EPCIP: variants seen among roughly 807,000 people sequenced by gnomAD.
EPCIP encodes the protein exosomal polycystin 1 interacting protein.
the EPCIP span, among the ~76,000 whole-genome samples, chr21:32,809,654 C>T: frequency 2.0e-5 from 3 of 152,092 alleles, no homozygotes; most frequent in South Asian, 2.1e-4. Flanking sequence ...TGAGCCACCG[C>T]GCCTGCCCCC....
chr21:32,809,303 T>C, the EPCIP span, among the ~76,000 whole-genome samples: 4 of 140,494 alleles, frequency 2.8e-5, no homozygotes, highest in African/African-American at 1.1e-4. Flanking sequence ...TTTCTTTCTT[T>C]CTTTCTTTCT....
At chr21:32,793,280 A>C in the EPCIP span, among the ~76,000 whole-genome samples, 3 of 152,162 alleles carry the variant, frequency 2.0e-5, 1 homozygote, top group South Asian at 6.2e-4. Flanking sequence ...CATAGTCCCC[A>C]AACCTCTGAA....
the EPCIP span, chr21:32,794,208 C>G: frequency 6.2e-7 from 1 of 1,614,252 alleles, no homozygotes; most frequent in East Asian, 2.2e-5. Flanking sequence ...CTGGTTCGCT[C>G]TACTGCAAGG....
the EPCIP span, chr21:32,793,768 A>G: frequency 7.4e-6 from 12 of 1,614,030 alleles, no homozygotes; most frequent in Non-Finnish European, 9.3e-6. Context: ...TATGCTAGTA[A>G]ATAAATGTGA....
At chr21:32,794,236 G>A in the EPCIP span, 1 of 1,614,284 alleles carries the variant, frequency 6.2e-7, no homozygotes, top group East Asian at 2.2e-5. Context: ...CGGTTTTACA[G>A]TTGCACATCA....
chr21:32,799,312 G>A, the EPCIP span, among the ~76,000 whole-genome samples: 2 of 152,182 alleles, frequency 1.3e-5, no homozygotes, highest in East Asian at 3.9e-4. Context: ...ATATATGTCT[G>A]ACTTTGTGGG....
chr21:32,792,051 T>G, the EPCIP span, among the ~76,000 whole-genome samples: 1 of 151,996 alleles, frequency 6.6e-6, no homozygotes, highest in Non-Finnish European at 1.5e-5. Context: ...ATTACAGGCA[T>G]GCACCACCAC....
At chr21:32,807,171 G>A in the EPCIP span, among the ~76,000 whole-genome samples, 2 of 152,110 alleles carry the variant, frequency 1.3e-5, no homozygotes, top group East Asian at 1.9e-4. Context: ...ACCATATCAG[G>A]GGGTCAGGTT....
At chr21:32,810,701 G>T in the EPCIP span, 1 of 470,658 alleles carries the variant, frequency 2.1e-6, no homozygotes, top group Non-Finnish European at 4.4e-6. Flanking sequence ...ACTGAGATAC[G>T]TCTCTAGCTC....
At chr21:32,792,023 G>A in the EPCIP span, among the ~76,000 whole-genome samples, 1 of 151,842 alleles carries the variant, frequency 6.6e-6, no homozygotes, top group Admixed American at 6.6e-5. Context: ...TCCTGCCTCA[G>A]CCTCCTGAGT....
the EPCIP span, among the ~76,000 whole-genome samples, chr21:32,809,683 C>T: frequency 6.6e-6 from 1 of 152,018 alleles, no homozygotes. Context: ...TTCTTATTCT[C>T]CAATCTGGAC....
At chr21:32,800,822 CCA>C in the EPCIP span, among the ~76,000 whole-genome samples, 10 of 11,864 alleles carry the variant, frequency 8.4e-4, no homozygotes, top group Admixed American at 7.7e-3. Flanking sequence ...AAAAAAAAAA[CCA>C]AAAAAAAAAA....
chr21:32,796,945 A>T, the EPCIP span: 1 of 470,634 alleles, frequency 2.1e-6, no homozygotes, highest in South Asian at 1.5e-5. Context: ...TCAGGTGCTG[A>T]TCCTTTTAGA....
At chr21:32,811,663 T>C in the EPCIP span, among the ~76,000 whole-genome samples, 10 of 152,186 alleles carry the variant, frequency 6.6e-5, no homozygotes, top group Admixed American at 6.5e-5. Flanking sequence ...TTAACCTATA[T>C]GTGTATAGAA....
chr21:32,791,654 C>A, the EPCIP span: 2 of 151,798 alleles, frequency 1.3e-5, no homozygotes, highest in Middle Eastern at 3.4e-3. Context: ...TGCTAATTAG[C>A]CTGAATGGCT....
At chr21:32,797,079 C>T in the EPCIP span, 1 of 460,976 alleles carries the variant, frequency 2.2e-6, no homozygotes, top group South Asian at 1.6e-5. Flanking sequence ...CTGGCTAGAC[C>T]TCAGGATGGT....
At chr21:32,812,604 A>G in the EPCIP span, among the ~76,000 whole-genome samples, 12 of 152,262 alleles carry the variant, frequency 7.9e-5, no homozygotes, top group Admixed American at 3.9e-4. Context: ...TTTCCTTCCA[A>G]ACATATTGCA....
At chr21:32,805,839 A>C in the EPCIP span, among the ~76,000 whole-genome samples, 1 of 152,130 alleles carries the variant, frequency 6.6e-6, no homozygotes, top group African/African-American at 2.4e-5. Context: ...GATCATTGGT[A>C]ACTAGTCTCC....
the EPCIP span, among the ~76,000 whole-genome samples, chr21:32,806,934 G>A: frequency 6.6e-6 from 1 of 152,206 alleles, no homozygotes; most frequent in Non-Finnish European, 1.5e-5. Flanking sequence ...ATGGTGGAAA[G>A]TGAGTCGTGT....
Sources: allele counts gnomAD v4.1 joint callset (sites outside exome capture counted in the v4.1 genomes callset), GRCh38; gene constraint gnomAD v4.1.1; transcripts MANE v1.5; gene names NCBI Gene and HGNC (gene_info 2026-07-23, HGNC 2026-07-21).